Variants in TAFA4 observed in about 807,000 individuals in gnomAD.
The protein encoded by TAFA4 is chemokine-like protein TAFA-4.
Under a neutral mutation model 21.1 loss-of-function variants are expected in TAFA4, and 20 were observed. The ratio of observed to expected loss-of-function variants is 0.95; its 90% CI spans 0.67 to 1.38. The LOEUF (loss-of-function observed/expected upper bound fraction) is 1.38. Among genes scored for constraint, TAFA4 ranks in the 40% most tolerant of loss-of-function variants. The pLI, the probability that TAFA4 is intolerant of heterozygous loss-of-function variation, is 0.00. For missense variants in TAFA4, 211 were observed against 180.9 expected (o/e 1.17, Z -0.95); for synonymous variants, 71 against 67.4 (o/e 1.05, Z -0.26).
intron 3 of TAFA4, among the ~76,000 whole-genome samples, chr3:68,831,326 C>CG (rs140734915): frequency 0.69 from 105,137 of 152,002 alleles, 36,868 homozygotes; most frequent in East Asian, 0.99. Context: ...TGGCTGGTAC[C>CG]GTTGTCCCTT....
intron 1 of TAFA4, among the ~76,000 whole-genome samples, chr3:68,923,187 C>G (rs578222412): frequency 1.6e-4 from 25 of 152,276 alleles, no homozygotes; most frequent in South Asian, 6.2e-4. Context: ...ATTTAAATGT[C>G]TTCACATCTT....
intron 3 of TAFA4, among the ~76,000 whole-genome samples, chr3:68,851,044 T>C (rs1405077152): frequency 6.6e-6 from 1 of 152,194 alleles, no homozygotes; most frequent in Non-Finnish European, 1.5e-5. Flanking sequence ...TATGTACCCA[T>C]ATGTTCACTG....
intron 3 of TAFA4, among the ~76,000 whole-genome samples, chr3:68,764,012 A>G (rs533596005): frequency 4.6e-5 from 7 of 152,264 alleles, no homozygotes; most frequent in African/African-American, 1.7e-4. Context: ...AACCTAATCC[A>G]CTTATATTTT....
intron 1 of TAFA4, among the ~76,000 whole-genome samples, chr3:68,922,276 T>C (rs541234196): frequency 6.6e-5 from 10 of 152,320 alleles, no homozygotes; most frequent in South Asian, 2.1e-4. Context: ...CCCAGACTTA[T>C]TGAATCACAA....
chr3:68,836,808 T>G (rs993037243), intron 3 of TAFA4, among the ~76,000 whole-genome samples: 1 of 151,050 alleles, frequency 6.6e-6, no homozygotes, highest in African/African-American at 2.5e-5. Flanking sequence ...GTCCTGACTA[T>G]GCTACCAGGG....
chr3:68,918,132 TACACACACACACAC>T lies in TAFA4; in HGVS notation c.-123+14094_-123+14107del, dbSNP rs71618251. ...ATAATGAGAGGAAGCCAGACACACA[TACACACACACACAC>T]ACACACACAAACACATTTCACATTC... is the stretch of plus-strand genomic sequence containing the variant. On this transcript the variant is annotated intron_variant, in intron 1 of 5. Coordinates refer to ENST00000295569, the MANE Select transcript of TAFA4 (RefSeq NM_182522.5). Among the ~76,000 whole-genome samples the T allele has an allele frequency of 6.2e-3, 926 of 148,928 alleles. 11 individuals carry two copies. The highest frequency in any genetic ancestry group is 0.022 in the African/African-American group (878 of 40,624).
At chr3:68,741,960 A>ACAT in intron 4 of TAFA4, among the ~76,000 whole-genome samples, 1 of 152,332 alleles carries the variant, frequency 6.6e-6, no homozygotes, top group East Asian at 1.9e-4. Flanking sequence ...TGATAAACAT[A>ACAT]CATCAAAAAT....
At chr3:68,883,113 T>C (rs2089635554) in intron 2 of TAFA4, 1 of 152,330 alleles carries the variant, frequency 6.6e-6, no homozygotes, top group Non-Finnish European at 1.5e-5. Context: ...ATGTTCTGGC[T>C]GGGTCTTCTG....
chr3:68,908,129 T>A (rs1164212986), intron 1 of TAFA4, among the ~76,000 whole-genome samples: 2 of 152,340 alleles, frequency 1.3e-5, no homozygotes, highest in Admixed American at 6.5e-5. Flanking sequence ...TTTTAAAATG[T>A]AGGCTGGACG....
intron 4 of TAFA4, among the ~76,000 whole-genome samples, chr3:68,744,688 A>G (rs1374368812): frequency 6.6e-6 from 1 of 152,168 alleles, no homozygotes; most frequent in Non-Finnish European, 1.5e-5. Context: ...ATCCGGATGT[A>G]TATCACAGAA....
chr3:68,781,643 C>A (rs1703155913), intron 3 of TAFA4, among the ~76,000 whole-genome samples: 1 of 151,848 alleles, frequency 6.6e-6, no homozygotes, highest in South Asian at 2.1e-4. Context: ...CAATGAAAAC[C>A]ACATGTCTAA....
intron 3 of TAFA4, among the ~76,000 whole-genome samples, chr3:68,784,333 C>T (rs554506591): frequency 2.0e-5 from 3 of 152,164 alleles, no homozygotes; most frequent in Non-Finnish European, 4.4e-5. Flanking sequence ...AGCTGCAGAC[C>T]CTCACGGTGA....
At chr3:68,753,409 C>A in intron 3 of TAFA4, among the ~76,000 whole-genome samples, 1 of 147,626 alleles carries the variant, frequency 6.8e-6, no homozygotes, top group Admixed American at 6.8e-5. Context: ...GATCTCAGCT[C>A]ATTGCAACCT....
chr3:68,851,882 G>C (rs1053604253), intron 3 of TAFA4, among the ~76,000 whole-genome samples: 11 of 152,124 alleles, frequency 7.2e-5, no homozygotes, highest in Non-Finnish European at 1.3e-4. Flanking sequence ...ATTGAGATCA[G>C]ATCTATAGGA....
rs559532434 is a variant in TAFA4 at position 68,805,604 on chromosome 3, A to G, written c.131-52586T>C. Among the ~76,000 whole-genome samples the G allele has an allele frequency of 1.3e-4, 20 of 152,340 alleles. No individual in the cohort carries two copies. The East Asian group carries it at 3.9e-3, about 29-fold the overall frequency. On this transcript the variant is annotated intron_variant, in intron 3 of 5. Coordinates refer to ENST00000295569, the MANE Select transcript of TAFA4 (RefSeq NM_182522.5). ...GATTAAGAAAATGTGGCACATATAC[A>G]CCATGGAACACTATGCAGCCATAAA...
At chr3:68,754,523 A>G (rs72922884) in intron 3 of TAFA4, among the ~76,000 whole-genome samples, 8,117 of 152,232 alleles carry the variant, frequency 0.053, 739 homozygotes, top group African/African-American at 0.19. Flanking sequence ...CTATATTCTC[A>G]GTGCATCATA....
chr3:68,925,896 C>T (rs1559565549), intron 1 of TAFA4, among the ~76,000 whole-genome samples: 1 of 152,092 alleles, frequency 6.6e-6, no homozygotes. Flanking sequence ...GTAAACAAAG[C>T]AGGACACAGA....
At chr3:68,896,834 A>G (rs145004009) in intron 1 of TAFA4, among the ~76,000 whole-genome samples, 94 of 152,176 alleles carry the variant, frequency 6.2e-4, no homozygotes, top group African/African-American at 2.1e-3. Flanking sequence ...AACTAACTAT[A>G]AGGTCCAAGT....
rs542496762 is a variant in TAFA4 at position 68,770,059 on chromosome 3, AC to A, written c.131-17042del. Among the ~76,000 whole-genome samples the A allele has an allele frequency of 5.7e-3, 864 of 152,250 alleles. 9 individuals carry two copies. The highest frequency in any genetic ancestry group is 0.019 in the African/African-American group (802 of 41,542). ...ATATCCCTGCATAGGACTATGCCCA[AC>A]CTCCAAGCCAGTCAGGAAATCAGAT... On this transcript the variant is annotated intron_variant, in intron 3 of 5. Transcript: ENST00000295569.
Sources: gnomAD v4.1 joint callset for allele counts (sites outside exome capture counted in the v4.1 genomes callset) on GRCh38, gnomAD v4.1.1 for gene constraint, MANE v1.5 for transcripts, NCBI Gene and HGNC (gene_info 2026-07-23, HGNC 2026-07-21) for gene names.